MAST4: variants seen among roughly 807,000 people sequenced by gnomAD.
MAST4 encodes the protein microtubule-associated serine/threonine-protein kinase 4.
A neutral mutation model predicts 162.7 loss-of-function variants in MAST4; 89 were observed. The observed-to-expected ratio is 0.55, with a 90% CI of 0.46 to 0.65. MAST4 has a LOEUF of 0.65. MAST4 is among the 30% of genes least tolerant of loss of function. The probability of loss-of-function intolerance (pLI) is 0.00; values close to 1 mark genes in which losing one functional copy is unlikely to be tolerated. For synonymous variants in MAST4, 1,479 were observed against 1,361.1 expected (o/e 1.09, Z -1.91); for missense variants, 3,153 against 3,374.0 (o/e 0.93, Z 1.62).
At chr5:67,115,442 A>G (rs1488086723) in intron 12 of MAST4, among the ~76,000 whole-genome samples, 1 of 152,156 alleles carries the variant, frequency 6.6e-6, no homozygotes, top group Non-Finnish European at 1.5e-5. Flanking sequence ...GTTTGCTCCT[A>G]TGGCCATCGT....
chr5:66,864,341 G>C (rs1343551732), intron 3 of MAST4, among the ~76,000 whole-genome samples: 1 of 152,156 alleles, frequency 6.6e-6, no homozygotes, highest in Non-Finnish European at 1.5e-5. Flanking sequence ...CAGAGATCCT[G>C]TGTTGAGAAC....
At position 66,807,234 on chromosome 5, in the gene MAST4, C is replaced by T. The variant is rs564757072; in HGVS notation, c.642+18440C>T. On this transcript the variant is annotated intron_variant, in intron 3 of 28. Transcript: ENST00000403625. ...ACAATTGGCCGGGTGCGGTGGCTCACGCCTGTAATCCCAGCACTTTGGGAG... is the reference window on the plus strand; with the variant it reads ...ACAATTGGCCGGGTGCGGTGGCTCATGCCTGTAATCCCAGCACTTTGGGAG... Among the ~76,000 whole-genome samples the T allele has an allele frequency of 8.5e-5, 13 of 152,314 alleles. No homozygotes were observed. In the South Asian group the frequency reaches 2.1e-3, roughly 24 times the overall value.
At chr5:66,597,475 T>A (rs575121269) in intron 1 of MAST4, among the ~76,000 whole-genome samples, 33 of 152,162 alleles carry the variant, frequency 2.2e-4, no homozygotes, top group African/African-American at 7.7e-4. Flanking sequence ...GGGGCAGCGG[T>A]AGCCGCGGAG....
chr5:66,718,628 A>T (rs949380131), intron 1 of MAST4, among the ~76,000 whole-genome samples: 1 of 152,202 alleles, frequency 6.6e-6, no homozygotes, highest in African/African-American at 2.4e-5. Context: ...TGAAAATAAG[A>T]GAACTGAGCT....
At chr5:66,812,800 A>G (rs1314143120) in intron 3 of MAST4, among the ~76,000 whole-genome samples, 5 of 152,082 alleles carry the variant, frequency 3.3e-5, no homozygotes, top group South Asian at 2.1e-4. Context: ...GCTCTTGACA[A>G]TGTGTTGTTA....
intron 14 of MAST4, among the ~76,000 whole-genome samples, chr5:67,121,330 A>G (rs181084098): frequency 1.3e-3 from 200 of 152,254 alleles, no homozygotes; most frequent in South Asian, 1.4e-3. Context: ...TTGGAGAGAA[A>G]GATTTTCAAG....
intron 2 of MAST4, 120 bp from the exon 3 acceptor site, chr5:66,788,550 A>AATAACTGTATTAC: frequency 1.7e-6 from 2 of 1,204,074 alleles, no homozygotes; most frequent in Non-Finnish European, 2.4e-6. Flanking sequence ...ATTACTGGGT[A>AATAACTGTATTAC]TGGCAGAAGT....
chr5:66,949,041 A>G (rs966859928), intron 4 of MAST4, among the ~76,000 whole-genome samples: 11 of 152,212 alleles, frequency 7.2e-5, no homozygotes, highest in Admixed American at 5.9e-4. Flanking sequence ...TTACTTGTCA[A>G]AGAACTATGA....
At chr5:66,615,029 G>A (rs1743578245) in intron 1 of MAST4, among the ~76,000 whole-genome samples, 1 of 152,190 alleles carries the variant, frequency 6.6e-6, no homozygotes, top group Non-Finnish European at 1.5e-5. Flanking sequence ...GCCTTGCCTT[G>A]GGGATATTTG....
intron 4 of MAST4, among the ~76,000 whole-genome samples, chr5:66,968,503 T>C (rs1363162180): frequency 1.3e-5 from 2 of 152,192 alleles, no homozygotes; most frequent in African/African-American, 4.8e-5. Flanking sequence ...TGCCATCAAC[T>C]CCACAAGGAC....
At chr5:66,663,618 G>A (rs556873564) in intron 1 of MAST4, among the ~76,000 whole-genome samples, 1 of 152,242 alleles carries the variant, frequency 6.6e-6, no homozygotes, top group Admixed American at 6.5e-5. Context: ...CCTGAAAGGA[G>A]CATGTCTGAC....
At chr5:67,129,112 C>G (rs1768611124) in intron 14 of MAST4, among the ~76,000 whole-genome samples, 1 of 152,132 alleles carries the variant, frequency 6.6e-6, no homozygotes, top group African/African-American at 2.4e-5. Flanking sequence ...TTGAGTGTAG[C>G]CTGGTCTGGT....
intron 3 of MAST4, among the ~76,000 whole-genome samples, chr5:66,800,862 C>T (rs1755885856): frequency 6.6e-6 from 1 of 152,094 alleles, no homozygotes; most frequent in African/African-American, 2.4e-5. Flanking sequence ...TAGGTGTCAC[C>T]ATATACAACA....
In MAST4 at chr5:67,136,647, TG is replaced by T; in HGVS notation, c.2479del (p.Glu827ArgfsTer20). ...ACCTTACTCCTCAGGCAGAATCCCC[TG>T]GAGAGGCTGGGAACAGGTTAGAGCC... is the stretch of plus-strand genomic sequence containing the variant. ...LITLLLRQNP[L>X]ERLGTGGAYE... On this transcript the variant is annotated frameshift_variant, in exon 19 of 29. Coordinates refer to ENST00000403625, the MANE Select transcript of MAST4 (RefSeq NM_001164664.2). LOFTEE classifies it high-confidence loss of function. 6.3e-7 allele frequency: 1 copy of T among 1,598,656 alleles called. No homozygotes were observed. The highest frequency in any genetic ancestry group is 8.5e-7 in the Non-Finnish European group (1 of 1,172,192).
At chr5:67,105,737 A>G (rs1765525249) in intron 10 of MAST4, among the ~76,000 whole-genome samples, 1 of 152,230 alleles carries the variant, frequency 6.6e-6, no homozygotes, top group Non-Finnish European at 1.5e-5. Context: ...AAATTGCTGT[A>G]AGAGTTGCCA....
chr5:67,163,201 C>T lies in MAST4; in HGVS notation c.4022C>T (p.Ala1341Val). ...AGTTCTAGTGCCCCCAATTCCCCAG[C>T]AGGGTCCGGGCACATCCGGCCCAGC... ...SPSSSAPNSP[A>V]GSGHIRPSTL... The change falls in exon 29 of 29, where the codon GCA (alanine) becomes GTA (valine). Residue 1341 changes from alanine (A) to valine (V), a missense_variant. This residue lies in a region of MAST4 where 619 missense variants were observed against 744.2 expected (regional missense o/e 0.83). Coordinates refer to ENST00000403625, the MANE Select transcript of MAST4 (RefSeq NM_001164664.2). This position sits in a 1 kb window ranked among gnomAD's most constrained non-coding sequence, Gnocchi z 7.0. 2.5e-6 allele frequency: 4 copies of T among 1,613,224 alleles called. No homozygotes were observed. In the South Asian group the frequency reaches 4.4e-5, roughly 18 times the overall value.
intron 4 of MAST4, chr5:66,959,303 T>A (rs1188106456): frequency 3.8e-6 from 3 of 779,560 alleles, no homozygotes; most frequent in African/African-American, 3.4e-5. Context: ...GAGTAAGTAT[T>A]GTCTGTCTTT....
intron 1 of MAST4, among the ~76,000 whole-genome samples, chr5:66,635,530 G>C (rs1362865816): frequency 1.3e-5 from 2 of 152,170 alleles, no homozygotes; most frequent in Admixed American, 1.3e-4. Context: ...ATTAGTATAG[G>C]AATATGAACT....
Position 66,845,126 on chromosome 5 carries a change from T to TATATATATATAC in MAST4, c.643-54824_643-54823insTATATATATACA, listed in dbSNP as rs1358855625. ...ATATATATATATATATATATATATA[T>TATATATATATAC]ACACACACACACTTGAAGTTCTAGG... On this transcript the variant is annotated intron_variant, in intron 3 of 28. Transcript: ENST00000403625. Among the ~76,000 whole-genome samples, 309 of 66,984 alleles carry TATATATATATAC rather than the reference T, an allele frequency of 4.6e-3. 3 individuals carry two copies. The highest frequency in any genetic ancestry group is 0.011 in the Middle Eastern group (1 of 92). The allele number at this position is 66,984 out of a possible 152,430, so 43.9% of individuals were successfully genotyped here. A position where few individuals can be genotyped will look rare whatever the true frequency, so the allele number is the denominator to read the frequency against.
Sources: allele counts gnomAD v4.1 joint callset (sites outside exome capture counted in the v4.1 genomes callset), GRCh38; gene constraint gnomAD v4.1.1; regional missense constraint gnomAD v4.1.1; non-coding constraint Gnocchi (gnomAD v3.1); transcripts MANE v1.5; gene names NCBI Gene and HGNC (gene_info 2026-07-23, HGNC 2026-07-21).